IFT122: variants seen among roughly 807,000 people sequenced by gnomAD.
IFT122 encodes the protein intraflagellar transport 122, also known as intraflagellar transport protein 122 homolog.
In IFT122, 118 loss-of-function variants were observed where a neutral mutation model predicts 161.6. The ratio of observed to expected loss-of-function variants is 0.73; its 90% confidence interval spans 0.63 to 0.85. The LOEUF (loss-of-function observed/expected upper bound fraction) is 0.85. Ranked by LOEUF, IFT122 falls within the 40% of genes least tolerant of loss-of-function variation. IFT122 has a pLI of 0.00. For synonymous variants in IFT122, 550 were observed against 602.4 expected, an observed-to-expected ratio of 0.91 and a Z score of 1.27; for missense variants, 1,381 against 1,579.6, an observed-to-expected ratio of 0.87 and a Z score of 2.13.
rs765190529 is a variant in IFT122, at chr3:129,507,754, C to T, written c.2878C>T (p.Arg960Cys). Residue 960 changes from arginine to cysteine, a missense_variant, in exon 23 of 30, where the codon CGC becomes TGC. Arg to Cys is a radical substitution (Grantham distance 180). Coordinates refer to ENST00000348417, the MANE Select transcript of IFT122 (RefSeq NM_052989.3). ...GTACCATGGTTACCATGCCATCCAT[C>T]GCCACACGGTAAGGTGGCTGGGTCA... ...ELYHGYHAIH[R>C]HTEDPFSVHR... 6.8e-6 allele frequency: 11 copies of T among 1,613,508 alleles called. No individual in the cohort carries two copies. Among genetic ancestry groups the T allele is most frequent in the East Asian group, 4.5e-5 (2 of 44,884 alleles).
intron 18 of IFT122, among the ~76,000 whole-genome samples, chr3:129,497,746 C>A (rs1161534983): frequency 1.3e-5 from 2 of 152,208 alleles, no homozygotes; most frequent in Non-Finnish European, 2.9e-5. Context: ...CCCCTGCCCC[C>A]ACCTGGTAGT....
chr3:129,465,114 AGTGTGTGTGTGTGT>A (rs56116340), intron 7 of IFT122, among the ~76,000 whole-genome samples: 9,932 of 142,376 alleles, frequency 0.07, 819 homozygotes, highest in East Asian at 0.29. Flanking sequence ...CATGTATATG[AGTGTGTGTGTGTGT>A]GTGTGTGTGT....
intron 23 of IFT122, among the ~76,000 whole-genome samples, chr3:129,512,027 C>G (rs879463820): frequency 2.0e-5 from 3 of 152,206 alleles, no homozygotes; most frequent in Non-Finnish European, 1.5e-5. Flanking sequence ...TGGGTTTGAA[C>G]AGCAGCTCAG....
intron 23 of IFT122, among the ~76,000 whole-genome samples, chr3:129,511,624 C>T (rs1023822252): frequency 1.8e-4 from 28 of 152,186 alleles, no homozygotes; most frequent in Admixed American, 1.3e-4. Flanking sequence ...ACAGAAAATT[C>T]CTTATTTGTC....
intron 2 of IFT122, among the ~76,000 whole-genome samples, chr3:129,451,077 C>T (rs1397003597): frequency 6.6e-6 from 1 of 151,700 alleles, no homozygotes; most frequent in Non-Finnish European, 1.5e-5. Flanking sequence ...CTATCAAATA[C>T]CTAAATCCAT....
chr3:129,494,872 C>T (rs2080649566), intron 17 of IFT122, among the ~76,000 whole-genome samples: 1 of 152,112 alleles, frequency 6.6e-6, no homozygotes, highest in South Asian at 2.1e-4. Context: ...TGAGACCTAC[C>T]CTGAGGGTCA....
chr3:129,454,713 G>A (rs1437156262), intron 3 of IFT122, among the ~76,000 whole-genome samples: 18 of 152,064 alleles, frequency 1.2e-4, no homozygotes, highest in Non-Finnish European at 1.5e-5. Context: ...AAGAGCTATT[G>A]GGCCTCTGGT....
At chr3:129,462,091 G>A (rs2076270829) in intron 5 of IFT122, among the ~76,000 whole-genome samples, 1 of 152,098 alleles carries the variant, frequency 6.6e-6, no homozygotes, top group Non-Finnish European at 1.5e-5. Context: ...TCACTGATAC[G>A]GTTCTGGTTC....
chr3:129,502,775 T>C lies in IFT122; in HGVS notation c.2440T>C (p.Tyr814His). ...CGAGCCCCTGCTGCTGTGCGCTACC[T>C]ACCTCAAGAAGCTGGACAGCCCTGG... ...EREPLLLCAT[Y>H]LKKLDSPGYA... The change falls in exon 20 of 30, where the codon TAC becomes CAC. Residue 814 changes from tyrosine (Y) to histidine (H), a missense_variant. Physicochemically the swap from Tyr to His is moderately conservative, Grantham distance 83 (BLOSUM62 2). Coordinates refer to ENST00000348417, the MANE Select transcript of IFT122 (RefSeq NM_052989.3). 1 of 1,612,910 alleles carries C rather than the reference T, an allele frequency of 6.2e-7. No individual in the cohort carries two copies. The highest frequency in any genetic ancestry group is 1.1e-5 in the South Asian group (1 of 91,090).
Position 129,465,937 on chromosome 3 carries a change from C to T in IFT122, c.564-953C>T, listed in dbSNP as rs1337224223. On this transcript the variant is annotated intron_variant, in intron 7 of 29. Coordinates refer to ENST00000348417, the MANE Select transcript of IFT122 (RefSeq NM_052989.3). Reference sequence around the variant, plus strand: ...GATTACAGGCGTGAGCCACCGCGCACGCCTGGCTAATTTTTTGTTGCCACC... The same window carrying T: ...GATTACAGGCGTGAGCCACCGCGCATGCCTGGCTAATTTTTTGTTGCCACC... Among the ~76,000 whole-genome samples, 15 of 151,186 alleles carry T rather than the reference C, an allele frequency of 9.9e-5. 2 individuals carry two copies. Among genetic ancestry groups the T allele is most frequent in the East Asian group, 2.0e-4 (1 of 5,098 alleles).
intron 7 of IFT122, among the ~76,000 whole-genome samples, chr3:129,465,682 C>CCGGACTG (rs2076691070): frequency 1.1e-5 from 1 of 90,306 alleles, no homozygotes; most frequent in Non-Finnish European, 1.8e-5. Flanking sequence ...GTCGCCCAGG[C>CCGGACTG]CGGACTGCGG....
intron 12 of IFT122, among the ~76,000 whole-genome samples, chr3:129,478,452 T>A (rs758143988): frequency 1.1e-4 from 17 of 152,320 alleles, no homozygotes; most frequent in Non-Finnish European, 2.1e-4. Flanking sequence ...TATTATTTTT[T>A]AAAAAATATT....
In IFT122 at chr3:129,440,407, C is replaced by A; in HGVS notation, c.41+36C>A. Reference sequence around the variant, plus strand: ...GGGCGGTTCGCGAAGAGCAGGAGGTCGAGTCCTCGCGGGGAGTGCGCGAGC... The same window carrying A: ...GGGCGGTTCGCGAAGAGCAGGAGGTAGAGTCCTCGCGGGGAGTGCGCGAGC... On this transcript the variant is annotated intron_variant, in intron 1 of 29. Transcript: ENST00000348417. 1.9e-6 allele frequency: 3 copies of A among 1,548,544 alleles called. No homozygotes were observed. In the South Asian group the frequency reaches 3.6e-5, roughly 18 times the overall value.
At position 129,473,811 on chromosome 3, in the gene IFT122, A is replaced by G. The variant is rs193222515; in HGVS notation, c.817-2504A>G. On this transcript the variant is annotated intron_variant, in intron 9 of 29. Coordinates refer to ENST00000348417, the MANE Select transcript of IFT122 (RefSeq NM_052989.3). The stretch of plus-strand genomic sequence containing the variant: ...TCAGGCAAAAACCCTTAAAAAAATG[A>G]GAAGTTCACCTAGTGTTTGTTCCCT... 6.6e-5 allele frequency among the ~76,000 whole-genome samples: 10 copies of G among 152,334 alleles called. No individual in the cohort carries two copies. The East Asian group carries it at 1.3e-3, about 21-fold the overall frequency.
At chr3:129,499,841 G>T in intron 18 of IFT122, 61 bp from the exon 19 acceptor site, 1 of 1,601,516 alleles carries the variant, frequency 6.2e-7, no homozygotes. Flanking sequence ...AGAAAAGCCT[G>T]ATGTAACGCT....
intron 14 of IFT122, among the ~76,000 whole-genome samples, chr3:129,483,170 A>G (rs1348444487): frequency 1.3e-5 from 2 of 152,252 alleles, no homozygotes; most frequent in Non-Finnish European, 2.9e-5. Flanking sequence ...CATGCTGATT[A>G]TAAAAGATTT....
At position 129,467,051 on chromosome 3, in the gene IFT122, C is replaced by A; in HGVS notation, c.725C>A (p.Pro242His). Residue 242 changes from proline (P) to histidine (H), a missense_variant, in exon 8 of 30, where the codon CCC becomes CAC. Physicochemically the swap from Pro to His is moderately conservative, Grantham distance 77. Coordinates refer to ENST00000348417, the MANE Select transcript of IFT122 (RefSeq NM_052989.3). Reference protein sequence around the residue: ...EEEPEEEDDSPRDDNLEERND... With the variant: ...EEEPEEEDDSHRDDNLEERND... ...GAACCAGAGGAAGAGGACGACAGTCCCAGGGACGACAACTTGTGAGTGTGT... is the reference window on the plus strand; with the variant it reads ...GAACCAGAGGAAGAGGACGACAGTCACAGGGACGACAACTTGTGAGTGTGT... The A allele has an allele frequency of 6.2e-7, 1 of 1,613,742 alleles. No individual in the cohort carries two copies. Among genetic ancestry groups the A allele is most frequent in the Non-Finnish European group, 8.5e-7 (1 of 1,179,948 alleles).
chr3:129,515,134 C>G (rs962121849), intron 25 of IFT122: 1 of 431,260 alleles, frequency 2.3e-6, no homozygotes, highest in Non-Finnish European at 4.3e-6. Context: ...AGTTGTGAGG[C>G]TAAATGAGCC....
At position 129,492,600 on chromosome 3, in the gene IFT122, C is replaced by G. The variant is rs192705342; in HGVS notation, c.2046+406C>G. Among the ~76,000 whole-genome samples, 101 of 152,216 alleles carry G rather than the reference C, an allele frequency of 6.6e-4. 1 individual carries two copies. The highest frequency in any genetic ancestry group is 1.0e-3 in the Non-Finnish European group (70 of 67,994). ...GTGTTGGAGGAGTTTCCCAAATGCA[C>G]ATGAGCTGAGCTCCATTCCCCAGAA... On this transcript the variant is annotated intron_variant, in intron 17 of 29. Transcript: ENST00000348417.
Sources: gnomAD v4.1 joint callset for allele counts (sites outside exome capture counted in the v4.1 genomes callset) on GRCh38, gnomAD v4.1.1 for gene constraint, MANE v1.5 for transcripts, NCBI Gene and HGNC (gene_info 2026-07-23, HGNC 2026-07-21) for gene names.